Variants in ZNF717 observed in about 807,000 individuals in gnomAD.
The protein encoded by ZNF717 is zinc finger protein 717.
Under a neutral mutation model 13.8 loss-of-function variants are expected in ZNF717, and 9 were observed. The ratio of observed to expected loss-of-function variants is 0.65; its 90% CI spans 0.39 to 1.14. The LOEUF is 1.14. Ranked by LOEUF, ZNF717 falls within the 50% of genes most tolerant of loss-of-function variation. ZNF717 has a pLI of 0.01. For synonymous variants in ZNF717, 327 were observed against 364.1 expected, an observed-to-expected ratio of 0.90 and a Z score of 1.16; for missense variants, 1,040 against 1,080.7, an observed-to-expected ratio of 0.96 and a Z score of 0.53.
At chr3:75,704,344 T>C (rs1340840311) in intron 6 of ZNF717, among the ~76,000 whole-genome samples, 1 of 152,304 alleles carries the variant, frequency 6.6e-6, no homozygotes, top group Non-Finnish European at 1.5e-5. Context: ...GCAACATCTT[T>C]CGGCAATATC....
At chr3:75,783,632 A>G (rs568183519) in intron 1 of ZNF717, among the ~76,000 whole-genome samples, 3 of 152,382 alleles carry the variant, frequency 2.0e-5, no homozygotes, top group African/African-American at 7.2e-5. Context: ...CTAATTTAGC[A>G]ACAATATTAC....
chr3:75,735,474 G>A (rs1466018586), downstream of ZNF717, among the ~76,000 whole-genome samples: 9 of 152,176 alleles, frequency 5.9e-5, no homozygotes. Flanking sequence ...GAAAAGAAAA[G>A]GCCAGGTATT....
At chr3:75,764,732 A>G (rs1207377913) in intron 2 of ZNF717, among the ~76,000 whole-genome samples, 4 of 152,324 alleles carry the variant, frequency 2.6e-5, no homozygotes, top group African/African-American at 9.6e-5. Context: ...ATGGGACATC[A>G]CTTCAAACCC....
At chr3:75,781,875 G>A (rs1436233634) in intron 2 of ZNF717, among the ~76,000 whole-genome samples, 7 of 152,106 alleles carry the variant, frequency 4.6e-5, no homozygotes, top group African/African-American at 1.7e-4. Flanking sequence ...CCCTGCACCT[G>A]GAACAGTTTG....
chr3:75,727,490 C>T (rs1288955033), downstream of ZNF717, among the ~76,000 whole-genome samples: 1 of 152,026 alleles, frequency 6.6e-6, no homozygotes, highest in East Asian at 1.9e-4. Context: ...TAATTAATAT[C>T]CTGGGAAAGG....
chr3:75,724,133 C>A (rs375932523), intron 4 of ZNF717, among the ~76,000 whole-genome samples: 1 of 152,030 alleles, frequency 6.6e-6, no homozygotes, highest in Non-Finnish European at 1.5e-5. Context: ...GACAGGAGAC[C>A]CACGTGACCT....
intron 2 of ZNF717, among the ~76,000 whole-genome samples, chr3:75,777,416 C>T (rs1413902224): frequency 6.6e-6 from 1 of 151,652 alleles, no homozygotes; most frequent in Non-Finnish European, 1.5e-5. Context: ...AAAACCGGAA[C>T]CCAAAACAAT....
At chr3:75,770,259 T>C (rs1943785228) in intron 2 of ZNF717, among the ~76,000 whole-genome samples, 1 of 152,174 alleles carries the variant, frequency 6.6e-6, no homozygotes, top group South Asian at 2.1e-4. Context: ...GAAATCAGGA[T>C]GAAATGAAAA....
At chr3:75,773,359 T>C (rs1190999754) in intron 2 of ZNF717, among the ~76,000 whole-genome samples, 11 of 152,240 alleles carry the variant, frequency 7.2e-5, no homozygotes, top group Non-Finnish European at 1.3e-4. Flanking sequence ...AAAATCTTAC[T>C]AAAGATAACT....
At chr3:75,731,989 A>G (rs1447188285), downstream of ZNF717, 1 of 694,102 alleles carries the variant, frequency 1.4e-6, no homozygotes, top group African/African-American at 1.8e-5. Flanking sequence ...AAGGTTCCAT[A>G]TGGACAACTC....
chr3:75,745,850 A>C (rs1430568405), intron 2 of ZNF717, among the ~76,000 whole-genome samples: 14 of 150,744 alleles, frequency 9.3e-5, no homozygotes, highest in African/African-American at 3.4e-4. Context: ...TTTTTTTAAT[A>C]TATTTTCCAT....
intron 2 of ZNF717, among the ~76,000 whole-genome samples, chr3:75,764,647 G>A (rs1943287014): frequency 6.6e-6 from 1 of 152,154 alleles, no homozygotes; most frequent in African/African-American, 2.4e-5. Context: ...TATACAAATA[G>A]CCAACAGATA....
chr3:75,778,814 G>A lies in ZNF717; in HGVS notation c.57+4492C>T, dbSNP rs150175140. ...ACAATGGGAGTGATATGCTAAAACC[G>A]GAACCCAAAATAATGGGAGTGAGGT... On this transcript the variant is annotated intron_variant, in intron 2 of 4. Transcript: ENST00000652011. Among the ~76,000 whole-genome samples the A allele has an allele frequency of 8.0e-3, 1,103 of 137,826 alleles. 17 individuals are homozygous for A. The highest frequency in any genetic ancestry group is 0.011 in the Non-Finnish European group (708 of 65,492). The allele number at this position is 137,826 out of a possible 152,430, so 90.4% of individuals were successfully genotyped here.
intron 2 of ZNF717, among the ~76,000 whole-genome samples, chr3:75,779,676 G>C (rs900672270): frequency 1.3e-5 from 2 of 148,696 alleles, no homozygotes; most frequent in Non-Finnish European, 3.0e-5. Context: ...CAATGGGAGA[G>C]TCGTGCTAAA....
At chr3:75,764,529 G>C (rs569975334) in intron 2 of ZNF717, among the ~76,000 whole-genome samples, 3 of 152,262 alleles carry the variant, frequency 2.0e-5, no homozygotes, top group Admixed American at 1.3e-4. Context: ...TAACGAGAAT[G>C]AACTGTGAGA....
chr3:75,734,817 ATTTTTTTTT>A (rs545474632), downstream of ZNF717, among the ~76,000 whole-genome samples: 366 of 57,480 alleles, frequency 6.4e-3, no homozygotes, highest in African/African-American at 0.022. Flanking sequence ...ATATATATAT[ATTTTTTTTT>A]TTTTTTTTTT....
At chr3:75,732,029 T>G (rs74880772), downstream of ZNF717, 2 of 702,406 alleles carry the variant, frequency 2.8e-6, no homozygotes, top group Non-Finnish European at 5.2e-6. Context: ...GGAGATCCAG[T>G]TATGAGGGAG....
At chr3:75,728,760 C>A (rs1230065401), downstream of ZNF717, among the ~76,000 whole-genome samples, 2 of 152,354 alleles carry the variant, frequency 1.3e-5, no homozygotes, top group South Asian at 4.1e-4. Flanking sequence ...GTCAATTAAA[C>A]CTCTTTCCTT....
At chr3:75,782,069 T>C (rs1302060243) in intron 2 of ZNF717, among the ~76,000 whole-genome samples, 1 of 152,192 alleles carries the variant, frequency 6.6e-6, no homozygotes, top group Admixed American at 6.5e-5. Flanking sequence ...AAAGGACTCC[T>C]GAACTCGTCT....
Sources: allele counts gnomAD v4.1 joint callset (sites outside exome capture counted in the v4.1 genomes callset), GRCh38; gene constraint gnomAD v4.1.1; transcripts MANE v1.5; gene names NCBI Gene and HGNC (gene_info 2026-07-23, HGNC 2026-07-21).